GANC: variants seen among roughly 807,000 people sequenced by gnomAD.
The protein encoded by GANC is glucosidase alpha, neutral C.
A neutral mutation model predicts 124.2 loss-of-function variants in GANC; 117 were observed. The observed-to-expected ratio is 0.94, with a 90% confidence interval of 0.81 to 1.10. The LOEUF (loss-of-function observed/expected upper bound fraction) is 1.10. GANC is among the 50% of genes least tolerant of loss of function. GANC has a pLI of 0.00. For synonymous variants in GANC, 377 were observed against 376.8 expected (o/e 1.00, Z -0.01); for missense variants, 1,140 against 1,095.0 (o/e 1.04, Z -0.58).
chr15:42,274,585 C>G (rs1443870325), intron 1 of GANC, 75 bp downstream of exon 1: 1 of 1,387,512 alleles, frequency 7.2e-7, no homozygotes, highest in Non-Finnish European at 9.9e-7. Flanking sequence ...AATTGCATTT[C>G]TTATTTGCGT....
Position 42,277,288 on chromosome 15 carries a change from C to T in GANC, c.92+878C>T, listed in dbSNP as rs868574787. ...GCTCACACCTGTAATCCCAGCACTT[C>T]GGGAGGCCAAGGCAGGCGGATCACC... On this transcript the variant is annotated intron_variant, in intron 2 of 23. Coordinates refer to ENST00000318010, the MANE Select transcript of GANC (RefSeq NM_198141.3). Among the ~76,000 whole-genome samples, 9 of 152,068 alleles carry T rather than the reference C, an allele frequency of 5.9e-5. No homozygotes were observed. In the East Asian group the frequency reaches 9.7e-4, roughly 16 times the overall value.
intron 15 of GANC, among the ~76,000 whole-genome samples, chr15:42,333,675 A>C (rs1175943468): frequency 6.6e-6 from 1 of 152,318 alleles, no homozygotes; most frequent in African/African-American, 2.4e-5. Flanking sequence ...TATAAAATTG[A>C]GTTTATAATA....
chr15:42,314,396 A>G lies in GANC; in HGVS notation c.1057+3550A>G. On this transcript the variant is annotated intron_variant, in intron 10 of 23. Transcript: ENST00000318010. ...CTTCTACCAGCACCTTTTGATGAAT[A>G]ATTTGAATCCAGCTTTGTGCGTATA... is the stretch of plus-strand genomic sequence containing the variant. 3 of 443,578 alleles carry G rather than the reference A, an allele frequency of 6.8e-6. No homozygotes were observed. The South Asian group carries it at 7.0e-5, about 10-fold the overall frequency. The allele number at this position is 443,578 out of a possible 1,614,324, so 27.5% of individuals were successfully genotyped here. A position where few individuals can be genotyped will look rare whatever the true frequency, so the allele number is the denominator to read the frequency against.
intron 15 of GANC, among the ~76,000 whole-genome samples, chr15:42,331,370 GA>G (rs2052244235): frequency 6.6e-6 from 1 of 152,178 alleles, no homozygotes; most frequent in Non-Finnish European, 1.5e-5. Flanking sequence ...GTTCCACTTA[GA>G]AATGTGGCTT....
chr15:42,331,347 C>G (rs2052243982), intron 15 of GANC, among the ~76,000 whole-genome samples: 1 of 152,212 alleles, frequency 6.6e-6, no homozygotes, highest in African/African-American at 2.4e-5. Context: ...CTAACACATT[C>G]CATTAACCAA....
At chr15:42,300,320 A>G (rs2051933163) in intron 6 of GANC, among the ~76,000 whole-genome samples, 1 of 152,276 alleles carries the variant, frequency 6.6e-6, no homozygotes, top group Non-Finnish European at 1.5e-5. Flanking sequence ...TCTCAAAAGA[A>G]GACATTTATG....
intron 10 of GANC, among the ~76,000 whole-genome samples, chr15:42,316,261 G>A (rs2052100437): frequency 6.6e-6 from 1 of 152,180 alleles, no homozygotes. Context: ...AAGAAATAAA[G>A]ACACAAGACA....
At chr15:42,324,667 A>G (rs1194840981) in intron 11 of GANC, among the ~76,000 whole-genome samples, 2 of 152,202 alleles carry the variant, frequency 1.3e-5, no homozygotes, top group African/African-American at 2.4e-5. Context: ...AACCTTGAGG[A>G]TAAATGCTAA....
intron 19 of GANC, 65 bp downstream of exon 19, chr15:42,343,219 G>T: frequency 7.2e-7 from 1 of 1,380,574 alleles, no homozygotes; most frequent in Admixed American, 1.7e-5. Flanking sequence ...TTTCTTTTAG[G>T]AAAGAGATTT....
intron 4 of GANC, 44 bp downstream of exon 4, chr15:42,287,862 T>C (rs1342732538): frequency 1.3e-6 from 2 of 1,571,240 alleles, no homozygotes; most frequent in Non-Finnish European, 1.7e-6. Flanking sequence ...CTTGATATAT[T>C]CTTTTATCAT....
intron 5 of GANC, among the ~76,000 whole-genome samples, chr15:42,297,226 AT>A (rs1412245929): frequency 6.6e-6 from 1 of 152,216 alleles, no homozygotes; most frequent in Non-Finnish European, 1.5e-5. Context: ...TGATAAAAGT[AT>A]TTTTTAAAGA....
At chr15:42,279,614 T>C (rs534405135) in intron 3 of GANC, among the ~76,000 whole-genome samples, 1 of 152,240 alleles carries the variant, frequency 6.6e-6, no homozygotes, top group Non-Finnish European at 1.5e-5. Flanking sequence ...TGTGCACTAC[T>C]GCCTGATGCC....
chr15:42,334,115 T>C (rs1330861790), intron 15 of GANC, among the ~76,000 whole-genome samples: 9 of 152,198 alleles, frequency 5.9e-5, no homozygotes, highest in African/African-American at 1.9e-4. Flanking sequence ...TAACTCATTT[T>C]AAAAGCTAAA....
intron 15 of GANC, among the ~76,000 whole-genome samples, chr15:42,331,783 CTATT>C (rs576573144): frequency 6.6e-6 from 1 of 151,630 alleles, no homozygotes; most frequent in Non-Finnish European, 1.5e-5. Context: ...TATCGTGAGG[CTATT>C]TATGTTTAAA....
chr15:42,287,619 TATTGTA>T, intron 3 of GANC, 66 bp from the exon 4 acceptor site: 1 of 1,500,416 alleles, frequency 6.7e-7, no homozygotes, highest in Non-Finnish European at 9.0e-7. Context: ...CTTTCCTAAT[TATTGTA>T]ATTGGTGCAA....
intron 5 of GANC, among the ~76,000 whole-genome samples, chr15:42,294,692 C>T (rs1466974372): frequency 3.3e-5 from 5 of 150,860 alleles, no homozygotes; most frequent in African/African-American, 9.9e-5. Context: ...ACACAAATGG[C>T]GCCACCTTTA....
chr15:42,343,977 A>T (rs958844888), intron 19 of GANC, among the ~76,000 whole-genome samples: 2 of 152,144 alleles, frequency 1.3e-5, no homozygotes, highest in African/African-American at 4.8e-5. Flanking sequence ...TGGAGCTGGC[A>T]TGGGACTGCC....
intron 23 of GANC, 45 bp downstream of exon 23, chr15:42,351,477 C>T (rs770939671): frequency 2.2e-6 from 3 of 1,341,210 alleles, no homozygotes; most frequent in East Asian, 4.6e-5. Flanking sequence ...TTTTTATAAA[C>T]AGAAGTATCT....
At chr15:42,290,504 G>A (rs1270226150) in intron 4 of GANC, among the ~76,000 whole-genome samples, 1 of 152,116 alleles carries the variant, frequency 6.6e-6, no homozygotes, top group African/African-American at 2.4e-5. Flanking sequence ...GAAAACGTAG[G>A]ACTCCTCAAA....
Sources: gnomAD v4.1 joint callset for allele counts (sites outside exome capture counted in the v4.1 genomes callset) on GRCh38, gnomAD v4.1.1 for gene constraint, MANE v1.5 for transcripts, NCBI Gene and HGNC (gene_info 2026-07-23, HGNC 2026-07-21) for gene names.